CMIP: variants seen among roughly 807,000 people sequenced by gnomAD.
The protein encoded by CMIP is c-Maf inducing protein.
CMIP carries 13 observed loss-of-function variants against 97.3 expected under a neutral mutation model. The ratio of observed to expected loss-of-function variants is 0.13; its 90% CI spans 0.09 to 0.21. The LOEUF (loss-of-function observed/expected upper bound fraction) is 0.21, where lower values mean the gene tolerates loss of function less well. Ranked by LOEUF, CMIP falls within the 10% of genes least tolerant of loss-of-function variation. The pLI is 1.00. For missense variants in CMIP, 847 were observed against 1,024.9 expected, an observed-to-expected ratio of 0.83 and a Z score of 2.37; for synonymous variants, 538 against 436.3, an observed-to-expected ratio of 1.23 and a Z score of -2.91.
At chr16:81,671,303 G>C (rs2092681250) in intron 8 of CMIP, among the ~76,000 whole-genome samples, 1 of 152,202 alleles carries the variant, frequency 6.6e-6, no homozygotes, top group East Asian at 1.9e-4. Context: ...AATCTTGTCA[G>C]GTTAGGGCAT....
intron 10 of CMIP, among the ~76,000 whole-genome samples, chr16:81,683,107 A>G (rs532030481): frequency 6.6e-6 from 1 of 152,286 alleles, no homozygotes. Flanking sequence ...GCCAGACTCT[A>G]TGCCAAATGC....
Position 81,703,984 on chromosome 16 carries a change from C to T in CMIP, c.1990C>T (p.Leu664=), listed in dbSNP as rs372439300. 3.7e-6 allele frequency: 6 copies of T among 1,601,026 alleles called. No individual in the cohort carries two copies. The highest frequency in any genetic ancestry group is 5.1e-6 in the Non-Finnish European group (6 of 1,174,772). ...GCTGAGCTCCGGCTCCTTCGGAAAC[C>T]TGGAGAACCTCAGTTTGGCCTTCAC... ...RLLSSGSFGN[L]ENLSLAFTNV... is the part of the protein sequence containing the mutation. Residue 664 remains leucine, a synonymous_variant, in exon 18 of 21, where the codon CTG becomes TTG. Coordinates refer to ENST00000537098, the MANE Select transcript of CMIP (RefSeq NM_198390.3).
chr16:81,456,413 A>T (rs549745679), intron 1 of CMIP, among the ~76,000 whole-genome samples: 1 of 152,284 alleles, frequency 6.6e-6, no homozygotes, highest in Admixed American at 6.5e-5. Flanking sequence ...TGGCCTCCAG[A>T]TGTCACGACG....
At chr16:81,676,029 T>A (rs950150461) in intron 9 of CMIP, among the ~76,000 whole-genome samples, 1 of 152,002 alleles carries the variant, frequency 6.6e-6, no homozygotes, top group Non-Finnish European at 1.5e-5. Context: ...CGTGATGGGA[T>A]TTCAGTTCCA....
At chr16:81,481,880 CTTTT>C (rs768919033) in intron 1 of CMIP, among the ~76,000 whole-genome samples, 2 of 136,586 alleles carry the variant, frequency 1.5e-5, no homozygotes, top group Non-Finnish European at 1.6e-5. Flanking sequence ...CCGCCTCCCT[CTTTT>C]TTTTTTTTTT....
chr16:81,657,913 C>A, intron 5 of CMIP, 97 bp downstream of exon 5: 2 of 979,324 alleles, frequency 2.0e-6, no homozygotes, highest in Admixed American at 2.7e-5. Context: ...CCTGCGTAAT[C>A]CACCAGCATC....
chr16:81,709,049 A>G (rs965976398), intron 20 of CMIP, among the ~76,000 whole-genome samples: 40 of 152,326 alleles, frequency 2.6e-4, no homozygotes, highest in African/African-American at 9.6e-4. Context: ...AAAAAAGCCA[A>G]CTGTTCATAA....
intron 10 of CMIP, among the ~76,000 whole-genome samples, chr16:81,687,132 C>T (rs1014545044): frequency 1.3e-5 from 2 of 152,168 alleles, no homozygotes; most frequent in South Asian, 2.1e-4. Context: ...GCTCTGAAGC[C>T]GGTCACAGGC....
intron 9 of CMIP, among the ~76,000 whole-genome samples, chr16:81,677,323 G>A (rs552030825): frequency 6.6e-6 from 1 of 152,078 alleles, no homozygotes; most frequent in East Asian, 1.9e-4. Context: ...TTTAATTAGG[G>A]GTAGATCATT....
chr16:81,505,869 C>T (rs573118783), intron 1 of CMIP, among the ~76,000 whole-genome samples: 5 of 152,364 alleles, frequency 3.3e-5, no homozygotes, highest in African/African-American at 1.2e-4. Context: ...GTGGCACATG[C>T]CTGTAATCCC....
intron 1 of CMIP, among the ~76,000 whole-genome samples, chr16:81,505,439 A>T (rs755469893): frequency 7.2e-5 from 11 of 151,904 alleles, no homozygotes; most frequent in Middle Eastern, 3.2e-3. Context: ...GTCCATTTGC[A>T]CCCTGGTTTT....
chr16:81,676,365 C>A (rs12924059), intron 9 of CMIP, among the ~76,000 whole-genome samples: 53,455 of 151,642 alleles, frequency 0.35, 10,937 homozygotes, highest in East Asian at 0.74. Context: ...CAGGCCGTCC[C>A]CAGTGCTCTC....
chr16:81,547,976 C>T (rs1370802744), intron 1 of CMIP, among the ~76,000 whole-genome samples: 1 of 152,172 alleles, frequency 6.6e-6, no homozygotes, highest in East Asian at 1.9e-4. Flanking sequence ...CTCTGCAGCA[C>T]GCCGGCAATC....
chr16:81,537,090 C>A (rs530016187), intron 1 of CMIP, among the ~76,000 whole-genome samples: 1 of 152,280 alleles, frequency 6.6e-6, no homozygotes, highest in South Asian at 2.1e-4. Flanking sequence ...GAGTAAGTTG[C>A]TGGAAACTTC....
intron 1 of CMIP, among the ~76,000 whole-genome samples, chr16:81,549,025 C>T (rs1218948022): frequency 6.6e-6 from 1 of 152,222 alleles, no homozygotes; most frequent in Non-Finnish European, 1.5e-5. Context: ...GGTCTGTCTG[C>T]ATGGGCCTGT....
At chr16:81,476,321 A>C (rs1277980176) in intron 1 of CMIP, 4 of 1,510,728 alleles carry the variant, frequency 2.6e-6, no homozygotes, top group Non-Finnish European at 2.8e-6. Context: ...CGGCGTGTGA[A>C]GTCACCACCC....
intron 1 of CMIP, among the ~76,000 whole-genome samples, chr16:81,507,883 G>GAA (rs2089738957): frequency 6.6e-6 from 1 of 152,238 alleles, no homozygotes; most frequent in Non-Finnish European, 1.5e-5. Flanking sequence ...TGGGGTGTGA[G>GAA]TCCCATTGCT....
rs897693710 is a variant in CMIP at position 81,621,832 on chromosome 16, C to G, written c.477+906C>G. On this transcript the variant is annotated intron_variant, in intron 3 of 20. Coordinates refer to ENST00000537098, the MANE Select transcript of CMIP (RefSeq NM_198390.3). This position sits in a 1 kb window ranked among gnomAD's most constrained non-coding sequence, Gnocchi z 4.1. ...CTCTCATGGCTCCAGAGGGGCTCCC[C>G]CAACGGCCAGGGTTGGGGGCAGAAA... 2 of 152,378 alleles carry G rather than the reference C, an allele frequency of 1.3e-5. No individual in the cohort carries two copies. The highest frequency in any genetic ancestry group is 4.8e-5 in the African/African-American group (2 of 41,436). The allele number at this position is 152,378 out of a possible 1,614,324, so 9.4% of individuals were successfully genotyped here. A position where few individuals can be genotyped will look rare whatever the true frequency, so the allele number is the denominator to read the frequency against.
intron 19 of CMIP, among the ~76,000 whole-genome samples, chr16:81,706,731 C>T (rs924524726): frequency 1.3e-5 from 2 of 152,160 alleles, no homozygotes; most frequent in South Asian, 2.1e-4. Flanking sequence ...CTGGGGACAT[C>T]AGGTCCAGGC....
Sources: gnomAD v4.1 joint callset for allele counts (sites outside exome capture counted in the v4.1 genomes callset) on GRCh38, gnomAD v4.1.1 for gene constraint, Gnocchi (gnomAD v3.1) non-coding constraint, MANE v1.5 for transcripts, NCBI Gene and HGNC (gene_info 2026-07-23, HGNC 2026-07-21) for gene names.